NME7: variants seen among roughly 807,000 people sequenced by gnomAD.
NME7 encodes nucleoside diphosphate kinase 7.
In NME7, 41 loss-of-function variants were observed where a neutral mutation model predicts 49.1. The observed-to-expected ratio is 0.83, with a 90% CI of 0.65 to 1.08. NME7 has a LOEUF of 1.08. Among genes scored for constraint, NME7 ranks in the 50% least tolerant of loss-of-function variants. The pLI is 0.00. For synonymous variants in NME7, 139 were observed against 150.6 expected (o/e 0.92, Z 0.56); for missense variants, 423 against 463.4 (o/e 0.91, Z 0.80).
intron 10 of NME7, among the ~76,000 whole-genome samples, chr1:169,224,683 T>C (rs949392958): frequency 5.3e-5 from 8 of 152,142 alleles, no homozygotes; most frequent in Non-Finnish European, 1.2e-4. Context: ...TCGAAAAATC[T>C]ATTCATTTGT....
At chr1:169,161,696 A>G (rs1213030655) in intron 11 of NME7, among the ~76,000 whole-genome samples, 1 of 152,186 alleles carries the variant, frequency 6.6e-6, no homozygotes, top group Non-Finnish European at 1.5e-5. Flanking sequence ...TCACCATGAG[A>G]GGAACTTAGT....
intron 1 of NME7, among the ~76,000 whole-genome samples, chr1:169,362,001 A>G (rs1354783143): frequency 2.6e-5 from 4 of 152,060 alleles, no homozygotes; most frequent in African/African-American, 7.2e-5. Flanking sequence ...TGAGGTCAGG[A>G]GCTCGAGACC....
At chr1:169,302,322 C>T (rs1382370753) in intron 5 of NME7, 1 of 152,078 alleles carries the variant, frequency 6.6e-6, no homozygotes, top group African/African-American at 2.4e-5. Context: ...CATTGCAGCA[C>T]TATACAAAAT....
chr1:169,257,301 T>C lies in NME7; in HGVS notation c.755-19614A>G, dbSNP rs1648989325. On this transcript the variant is annotated intron_variant, in intron 7 of 11. Transcript: ENST00000367811. ...TTTTAAGCCTGTCAGAAAAGCGCAG[T>C]ATTTGGTTGGGAGTGACCCGATTTT... Among the ~76,000 whole-genome samples the C allele has an allele frequency of 2.2e-5, 3 of 134,202 alleles. 1 individual carries two copies. The highest frequency in any genetic ancestry group is 5.3e-5 in the Non-Finnish European group (3 of 57,014). The allele number at this position is 134,202 out of a possible 152,430, so 88.0% of individuals were successfully genotyped here.
At chr1:169,265,054 C>T (rs1371595585) in intron 7 of NME7, among the ~76,000 whole-genome samples, 2 of 132,790 alleles carry the variant, frequency 1.5e-5, no homozygotes, top group African/African-American at 5.1e-5. Flanking sequence ...TGAGAACTCA[C>T]TAATTATCAT....
At chr1:169,342,578 A>ATATATATATATACAAGTACATATATATAG (rs1204033395) in intron 1 of NME7, among the ~76,000 whole-genome samples, 11 of 92,814 alleles carry the variant, frequency 1.2e-4, no homozygotes, top group East Asian at 3.4e-4. Flanking sequence ...TATATATAGT[A>ATATATATATATACAAGTACATATATATAG]TATATATATA....
chr1:169,190,523 T>C (rs1239937676), intron 10 of NME7: 5 of 142,404 alleles, frequency 3.5e-5, no homozygotes, highest in African/African-American at 1.8e-4. Context: ...ATTTTTCTTC[T>C]TTTTTTTTTG....
intron 10 of NME7, among the ~76,000 whole-genome samples, chr1:169,180,964 G>A (rs1238076502): frequency 1.3e-5 from 2 of 152,066 alleles, no homozygotes; most frequent in African/African-American, 4.8e-5. Flanking sequence ...TCTCTCCCAG[G>A]ACCGAGGTTT....
chr1:169,135,447 T>C (rs1038661559), intron 11 of NME7, among the ~76,000 whole-genome samples: 8 of 152,194 alleles, frequency 5.3e-5, no homozygotes, highest in Non-Finnish European at 1.2e-4. Context: ...CCAAATAACA[T>C]TACCTTGAAA....
intron 3 of NME7, among the ~76,000 whole-genome samples, chr1:169,314,766 A>C (rs1651546876): frequency 6.6e-6 from 1 of 152,116 alleles, no homozygotes; most frequent in Admixed American, 6.5e-5. Context: ...AAAGAAAAAA[A>C]AAGATATAAA....
At chr1:169,347,587 T>C (rs999736782) in intron 1 of NME7, among the ~76,000 whole-genome samples, 1 of 152,208 alleles carries the variant, frequency 6.6e-6, no homozygotes, top group Non-Finnish European at 1.5e-5. Flanking sequence ...GGTACTTTTA[T>C]ATCACCTTCT....
chr1:169,216,365 T>C (rs939226768), intron 10 of NME7, among the ~76,000 whole-genome samples: 5 of 152,110 alleles, frequency 3.3e-5, no homozygotes, highest in Admixed American at 2.6e-4. Context: ...ACCATGACTA[T>C]GAAATGAGAC....
At chr1:169,160,449 C>G (rs1220623967) in intron 11 of NME7, among the ~76,000 whole-genome samples, 18 of 152,026 alleles carry the variant, frequency 1.2e-4, no homozygotes, top group Admixed American at 1.2e-3. Context: ...TGTCTACTAT[C>G]TCTTATTCAA....
intron 6 of NME7, among the ~76,000 whole-genome samples, chr1:169,293,310 A>T (rs1273201182): frequency 6.6e-6 from 1 of 152,066 alleles, no homozygotes; most frequent in Non-Finnish European, 1.5e-5. Context: ...CCAAAAAAAA[A>T]AAAAAAAAAT....
intron 10 of NME7, among the ~76,000 whole-genome samples, chr1:169,206,474 T>G (rs1209182255): frequency 1.3e-5 from 2 of 152,058 alleles, no homozygotes; most frequent in East Asian, 3.9e-4. Flanking sequence ...GAAGCTGTCT[T>G]GGGTTAATGC....
intron 7 of NME7, among the ~76,000 whole-genome samples, chr1:169,254,699 T>A (rs1344128605): frequency 6.9e-6 from 1 of 144,998 alleles, no homozygotes; most frequent in African/African-American, 2.5e-5. Flanking sequence ...TTGTGGCCAT[T>A]TAGTGCTATA....
intron 10 of NME7, among the ~76,000 whole-genome samples, chr1:169,176,574 T>C (rs2101741773): frequency 6.6e-6 from 1 of 152,278 alleles, no homozygotes; most frequent in Admixed American, 6.5e-5. Flanking sequence ...TTCAATCCTG[T>C]CTTTTTCATT....
At chr1:169,279,480 G>GACC (rs1558019895) in intron 7 of NME7, among the ~76,000 whole-genome samples, 1 of 152,178 alleles carries the variant, frequency 6.6e-6, no homozygotes, top group African/African-American at 2.4e-5. Context: ...GTGGGCATAG[G>GACC]ACCCTCCAAG....
At chr1:169,299,942 T>C (rs546941502) in intron 5 of NME7, among the ~76,000 whole-genome samples, 1 of 152,140 alleles carries the variant, frequency 6.6e-6, no homozygotes, top group East Asian at 1.9e-4. Context: ...CTATAACATA[T>C]CAGCGTCTGT....
Sources: gnomAD v4.1 joint callset for allele counts (sites outside exome capture counted in the v4.1 genomes callset) on GRCh38, gnomAD v4.1.1 for gene constraint, MANE v1.5 for transcripts, NCBI Gene and HGNC (gene_info 2026-07-23, HGNC 2026-07-21) for gene names.